PCDHGA8: variants seen among roughly 807,000 people sequenced by gnomAD.
PCDHGA8 encodes protocadherin gamma-A8.
A neutral mutation model predicts 59.2 loss-of-function variants in PCDHGA8; 45 were observed. That is an observed-to-expected ratio of 0.76 (90% confidence interval 0.60 to 0.98). The LOEUF (loss-of-function observed/expected upper bound fraction) is 0.98, where lower values mean the gene tolerates loss of function less well. PCDHGA8 is among the 50% of genes least tolerant of loss of function. The probability of loss-of-function intolerance (pLI) is 0.00; values close to 1 mark genes in which losing one functional copy is unlikely to be tolerated. For missense variants in PCDHGA8, 1,257 were observed against 1,196.2 expected, an observed-to-expected ratio of 1.05 and a Z score of -0.75; for synonymous variants, 531 against 519.0, an observed-to-expected ratio of 1.02 and a Z score of -0.32.
At chr5:141,410,821 C>A in intron 1 of PCDHGA8, 1 of 441,370 alleles carries the variant, frequency 2.3e-6, no homozygotes, top group Non-Finnish European at 3.8e-6. Context: ...AAAATAATGT[C>A]ACCAGACTGA....
At chr5:141,457,108 T>C (rs186630889) in intron 1 of PCDHGA8, among the ~76,000 whole-genome samples, 40 of 152,338 alleles carry the variant, frequency 2.6e-4, no homozygotes, top group African/African-American at 9.1e-4. Flanking sequence ...TTAAGCAAAA[T>C]ACGACAGCAA....
At chr5:141,443,704 C>T (rs894128704) in intron 1 of PCDHGA8, among the ~76,000 whole-genome samples, 6 of 152,102 alleles carry the variant, frequency 3.9e-5, no homozygotes, top group Non-Finnish European at 7.4e-5. Flanking sequence ...TATAGAATAA[C>T]ATTTGCATAT....
Position 141,491,636 on chromosome 5 carries a change from C to T in PCDHGA8, c.2425-3171C>T. ...AGACCCCTCAGCGTTCAGCAGCCCA[C>T]AGCTCTGGCGCTGGAGCCTGACGCC... On this transcript the variant is annotated intron_variant, in intron 1 of 3. Coordinates refer to ENST00000398604, the MANE Select transcript of PCDHGA8 (RefSeq NM_032088.2). This position sits in a 1 kb window ranked among gnomAD's most constrained non-coding sequence, Gnocchi z 6.9. 6.2e-7 allele frequency: 1 copy of T among 1,613,922 alleles called. No homozygotes were observed. Among genetic ancestry groups the T allele is most frequent in the Non-Finnish European group, 8.5e-7 (1 of 1,180,020 alleles).
At position 141,476,359 on chromosome 5, in the gene PCDHGA8, G is replaced by A; in HGVS notation, c.2425-18448G>A. On this transcript the variant is annotated intron_variant, in intron 1 of 3. Coordinates refer to ENST00000398604, the MANE Select transcript of PCDHGA8 (RefSeq NM_032088.2). This position sits in a 1 kb window ranked among gnomAD's most constrained non-coding sequence, Gnocchi z 7.6. ...GCCGAAGATTCTTTGAGGTGAACCG[G>A]GAGACCGGAGAGATGTTTGTGAACG... The A allele has an allele frequency of 6.2e-7, 1 of 1,614,170 alleles. No individual in the cohort carries two copies. The highest frequency in any genetic ancestry group is 8.5e-7 in the Non-Finnish European group (1 of 1,180,020).
intron 1 of PCDHGA8, among the ~76,000 whole-genome samples, chr5:141,463,314 A>G (rs1357327211): frequency 2.0e-5 from 3 of 151,098 alleles, no homozygotes; most frequent in Non-Finnish European, 2.9e-5. Context: ...TCTAATATCT[A>G]TTCCTCAACT....
chr5:141,445,446 G>T (rs2098467238), intron 1 of PCDHGA8, among the ~76,000 whole-genome samples: 1 of 152,264 alleles, frequency 6.6e-6, no homozygotes, highest in Admixed American at 6.5e-5. Flanking sequence ...ATGGACTAAG[G>T]ATGCAGCAAT....
intron 1 of PCDHGA8, chr5:141,413,769 G>T: frequency 6.2e-7 from 1 of 1,612,870 alleles, no homozygotes; most frequent in Non-Finnish European, 8.5e-7. Flanking sequence ...ACCCGGAGCT[G>T]GTACTGGAGC....
At chr5:141,500,221 TTTA>T (rs1428029040) in intron 2 of PCDHGA8, among the ~76,000 whole-genome samples, 2 of 151,002 alleles carry the variant, frequency 1.3e-5, no homozygotes, top group Non-Finnish European at 2.9e-5. Flanking sequence ...TATTTATTTA[TTTA>T]TTGATACGTA....
intron 1 of PCDHGA8, among the ~76,000 whole-genome samples, chr5:141,438,625 TATATATATATACACACAC>T (rs1351180774): frequency 3.0e-4 from 14 of 46,412 alleles, no homozygotes; most frequent in Middle Eastern, 8.3e-3. Context: ...TATATATATA[TATATATATATACACACAC>T]ACACACACAT....
chr5:141,397,450 A>G (rs1434264337), intron 1 of PCDHGA8, among the ~76,000 whole-genome samples: 1 of 152,258 alleles, frequency 6.6e-6, no homozygotes, highest in Admixed American at 6.5e-5. Context: ...AATATAAAAC[A>G]CTAGAAATAT....
At chr5:141,481,762 GC>G (rs1307001837) in intron 1 of PCDHGA8, among the ~76,000 whole-genome samples, 1 of 152,126 alleles carries the variant, frequency 6.6e-6, no homozygotes, top group Admixed American at 6.5e-5. Context: ...GACCAGCCTG[GC>G]CAACATGGTG....
intron 1 of PCDHGA8, among the ~76,000 whole-genome samples, chr5:141,459,546 C>T (rs575349914): frequency 9.9e-5 from 15 of 152,102 alleles, no homozygotes; most frequent in African/African-American, 3.6e-4. Flanking sequence ...TTTTTTATTT[C>T]TCTTGGATAA....
Position 141,433,059 on chromosome 5 carries a change from A to G in PCDHGA8, c.2424+37822A>G, listed in dbSNP as rs745951077. 1.1e-5 allele frequency: 18 copies of G among 1,614,000 alleles called. No individual in the cohort carries two copies. In the East Asian group the frequency reaches 3.8e-4, roughly 34 times the overall value. On this transcript the variant is annotated intron_variant, in intron 1 of 3. Transcript: ENST00000398604. ...CTCACCACGGACTCGCGGAAGAGTC[A>G]CCTGATCTTCCCCCAGCCCAACTAT...
At chr5:141,433,253 G>C (rs1288721469) in intron 1 of PCDHGA8, 1 of 1,416,466 alleles carries the variant, frequency 7.1e-7, no homozygotes, top group East Asian at 2.3e-5. Flanking sequence ...GAATGCAGCG[G>C]TACGATCATA....
At chr5:141,460,829 A>C (rs1242954704) in intron 1 of PCDHGA8, among the ~76,000 whole-genome samples, 1 of 151,944 alleles carries the variant, frequency 6.6e-6, no homozygotes, top group African/African-American at 2.4e-5. Flanking sequence ...ATACACACTT[A>C]AAGTAATGGC....
At chr5:141,422,289 T>G in intron 1 of PCDHGA8, 1 of 1,553,678 alleles carries the variant, frequency 6.4e-7, no homozygotes, top group African/African-American at 1.4e-5. Context: ...CCTCTTCTAT[T>G]AATTCAATTC....
chr5:141,490,196 A>G lies in PCDHGA8; in HGVS notation c.2425-4611A>G, dbSNP rs748858034. On this transcript the variant is annotated intron_variant, in intron 1 of 3. Coordinates refer to ENST00000398604, the MANE Select transcript of PCDHGA8 (RefSeq NM_032088.2). The surrounding 1 kb of genome is among the most constrained non-coding windows in gnomAD (Gnocchi z 5.4). ...GAGGAGTCACGTTTCTATGAAATTCATGCAAGAGCCCGTGACCAGGGACAG... is the reference window on the plus strand; with the variant it reads ...GAGGAGTCACGTTTCTATGAAATTCGTGCAAGAGCCCGTGACCAGGGACAG... The G allele has an allele frequency of 3.7e-6, 6 of 1,614,196 alleles. No individual in the cohort carries two copies. The highest frequency in any genetic ancestry group is 4.2e-6 in the Non-Finnish European group (5 of 1,180,020).
Position 141,476,340 on chromosome 5 carries a change from G to A in PCDHGA8, c.2425-18467G>A, listed in dbSNP as rs760616287. The A allele has an allele frequency of 2.2e-5, 36 of 1,614,068 alleles. No homozygotes were observed. In the Admixed American group the frequency reaches 2.5e-4, roughly 11 times the overall value. On this transcript the variant is annotated intron_variant, in intron 1 of 3. Transcript: ENST00000398604. The surrounding 1 kb of genome is among the most constrained non-coding windows in gnomAD (Gnocchi z 7.6). The stretch of plus-strand genomic sequence containing the variant: ...CGGGTGGTGTCTGGAGCTAGCCGAA[G>A]ATTCTTTGAGGTGAACCGGGAGACC...
chr5:141,496,499 G>A (rs1417059875), intron 2 of PCDHGA8, among the ~76,000 whole-genome samples: 1 of 152,102 alleles, frequency 6.6e-6, no homozygotes, highest in Non-Finnish European at 1.5e-5. Context: ...AACCCTTGTT[G>A]CCACAAGGAC....
Sources: gnomAD v4.1 joint callset for allele counts (sites outside exome capture counted in the v4.1 genomes callset) on GRCh38, gnomAD v4.1.1 for gene constraint, Gnocchi (gnomAD v3.1) non-coding constraint, MANE v1.5 for transcripts, NCBI Gene and HGNC (gene_info 2026-07-23, HGNC 2026-07-21) for gene names.